GSTM1: variants seen among roughly 807,000 people sequenced by gnomAD.
GSTM1 encodes GST HB subunit 4.
GSTM1 carries 6 observed loss-of-function variants against 17.3 expected under a neutral mutation model. That is an observed-to-expected ratio of 0.35 (90% confidence interval 0.19 to 0.68). The LOEUF (loss-of-function observed/expected upper bound fraction) is 0.68, where lower values mean the gene tolerates loss of function less well. GSTM1 is among the 30% of genes least tolerant of loss of function. GSTM1 has a pLI of 0.65. For missense variants in GSTM1, 62 were observed against 155.9 expected, an observed-to-expected ratio of 0.40 and a Z score of 3.21; for synonymous variants, 20 against 53.6, an observed-to-expected ratio of 0.37 and a Z score of 2.74.
In GSTM1 at chr1:109,688,262, G is replaced by A; in HGVS notation, c.112+17G>A. ...TGGGGGACGGTAATGGCACCCTCGT[G>A]TTCGGGCTCTGCCCACTCACGCTAA... On this transcript the variant is annotated intron_variant, in intron 2 of 7. Transcript: ENST00000309851. The A allele has an allele frequency of 5.0e-6, 4 of 798,064 alleles. 2 individuals carry two copies. Among genetic ancestry groups the A allele is most frequent in the Non-Finnish European group, 7.2e-6 (4 of 552,446 alleles). The allele number at this position is 798,064 out of a possible 1,614,324, so 49.4% of individuals were successfully genotyped here. A position where few individuals can be genotyped will look rare whatever the true frequency, so the allele number is the denominator to read the frequency against.
rs1161126530 is a variant in GSTM1 at position 109,689,120 on chromosome 1, C to T, written c.250C>T (p.His84Tyr). The stretch of plus-strand genomic sequence containing the variant: ...CATCTTGTGCTACATTGCCCGCAAG[C>T]ACAACCTGTGTGAGTGTGGGTGGCT... The part of the protein sequence containing the change: ...NAILCYIARK[H>Y]NLCGETEEEK... Residue 84 changes from histidine (H) to tyrosine (Y), a missense_variant, in exon 4 of 8, where the codon CAC (histidine) becomes TAC (tyrosine). Physicochemically the swap from His to Tyr is moderately conservative, Grantham distance 83. Coordinates refer to ENST00000309851, the MANE Select transcript of GSTM1 (RefSeq NM_000561.4). 2.5e-6 allele frequency: 2 copies of T among 796,578 alleles called. 1 individual carries two copies. Among genetic ancestry groups the T allele is most frequent in the Non-Finnish European group, 3.6e-6 (2 of 552,508 alleles). 49.3% of individuals were successfully genotyped at this position (796,578 alleles called of 1,614,324 possible).
At position 109,692,061 on chromosome 1, in the gene GSTM1, T is replaced by C. The variant is rs975766428; in HGVS notation, c.568-1145T>C. ...TTGAGAACAGGCAGTCCTGGATCTTTTTTTTTTTTTTTTTTTTGAGATCGT... is the reference window on the plus strand; with the variant it reads ...TTGAGAACAGGCAGTCCTGGATCTTCTTTTTTTTTTTTTTTTTGAGATCGT... On this transcript the variant is annotated intron_variant, in intron 7 of 7. Coordinates refer to ENST00000309851, the MANE Select transcript of GSTM1 (RefSeq NM_000561.4). Among the ~76,000 whole-genome samples the C allele has an allele frequency of 1.1e-4, 6 of 55,028 alleles. 2 individuals carry two copies. The highest frequency in any genetic ancestry group is 3.2e-4 in the African/African-American group (6 of 18,870). The allele number at this position is 55,028 out of a possible 152,430, so 36.1% of individuals were successfully genotyped here. A position where few individuals can be genotyped will look rare whatever the true frequency, so the allele number is the denominator to read the frequency against.
rs1648085031 is a variant in GSTM1, at chr1:109,690,984, C to T, written c.567+420C>T. Reference sequence around the variant, plus strand: ...TGGAAGAGGCAGAGAACTTCATGACCATAGATGGAGCTGGCAATAGTAGGA... The same window carrying T: ...TGGAAGAGGCAGAGAACTTCATGACTATAGATGGAGCTGGCAATAGTAGGA... On this transcript the variant is annotated intron_variant, in intron 7 of 7. Transcript: ENST00000309851. Among the ~76,000 whole-genome samples, 2 of 80,478 alleles carry T rather than the reference C, an allele frequency of 2.5e-5. 1 individual carries two copies. The highest frequency in any genetic ancestry group is 7.1e-5 in the African/African-American group (2 of 28,228). 52.8% of individuals were successfully genotyped at this position (80,478 alleles called of 152,430 possible).
rs1179776141 is a variant in GSTM1 at position 109,692,358 on chromosome 1, T to G, written c.568-848T>G. ...CAGGTGTGAGCCGGATGTTTTTGAA[T>G]ACCTTATCTGGGCATTCAATCCTGG... On this transcript the variant is annotated intron_variant, in intron 7 of 7. Transcript: ENST00000309851. Among the ~76,000 whole-genome samples the G allele has an allele frequency of 7.6e-5, 6 of 79,304 alleles. 2 individuals are homozygous for G. The highest frequency in any genetic ancestry group is 2.2e-4 in the African/African-American group (6 of 27,826). The allele number at this position is 79,304 out of a possible 152,430, so 52.0% of individuals were successfully genotyped here.
intron 2 of GSTM1, chr1:109,688,447 G>A (rs111471552): frequency 0.012 from 4,737 of 384,072 alleles, 1,616 homozygotes; most frequent in African/African-American, 0.086. Context: ...GTCTAATTGG[G>A]ACGGGTGTCC....
chr1:109,688,949 C>A, intron 3 of GSTM1, 99 bp from the exon 4 acceptor site: 1 of 556,302 alleles, frequency 1.8e-6, no homozygotes, highest in Non-Finnish European at 3.0e-6. Flanking sequence ...TGAGCAGGCA[C>A]AGTGAGTGCC....
Position 109,692,500 on chromosome 1 carries a change from C to T in GSTM1, c.568-706C>T, listed in dbSNP as rs1648121259. 2.5e-5 allele frequency among the ~76,000 whole-genome samples: 2 copies of T among 80,092 alleles called. 1 individual carries two copies. Among genetic ancestry groups the T allele is most frequent in the East Asian group, 9.3e-4 (2 of 2,142 alleles). The allele number at this position is 80,092 out of a possible 152,430, so 52.5% of individuals were successfully genotyped here. ...CAGGTATTAGATGGAGAACTTTGGACTTTCTGCTTTAAGGGGAATGTTTAG... is the reference window on the plus strand; with the variant it reads ...CAGGTATTAGATGGAGAACTTTGGATTTTCTGCTTTAAGGGGAATGTTTAG... On this transcript the variant is annotated intron_variant, in intron 7 of 7. Coordinates refer to ENST00000309851, the MANE Select transcript of GSTM1 (RefSeq NM_000561.4).
chr1:109,689,327 TGA>T lies in GSTM1; in HGVS notation c.360+4_360+5del, dbSNP rs1403955833. ...ATGATCTGCTACAATCCAGAATTTG[TGA>T]GTGTCCCCAGTGAGCTGCATCTGAC... On this transcript the variant is annotated splice_donor_region_variant and intron_variant, in intron 5 of 7. Coordinates refer to ENST00000309851, the MANE Select transcript of GSTM1 (RefSeq NM_000561.4). 6.7e-6 allele frequency: 5 copies of T among 746,058 alleles called. 2 individuals are homozygous for T. In the African/African-American group the frequency reaches 9.6e-5, roughly 14 times the overall value. The allele number at this position is 746,058 out of a possible 1,614,324, so 46.2% of individuals were successfully genotyped here.
Position 109,689,055 on chromosome 1 carries a change from A to C in GSTM1, c.185A>C (p.Tyr62Ser). The change falls in exon 4 of 8, where the codon TAC becomes TCC. Residue 62 changes from tyrosine (Y) to serine (S), a missense_variant. Physicochemically the swap from Tyr to Ser is moderately radical, Grantham distance 144. Transcript: ENST00000309851. ...GGTTTCCCATCCATCCAGCTGCCCT[A>C]CTTGATTGATGGGGCTCACAAGATC... ...KLGLDFPNLP[Y>S]LIDGAHKITQ... 2.5e-6 allele frequency: 2 copies of C among 796,830 alleles called. 1 individual carries two copies. Among genetic ancestry groups the C allele is most frequent in the South Asian group, 3.7e-5 (2 of 54,586 alleles). 49.4% of individuals were successfully genotyped at this position (796,830 alleles called of 1,614,324 possible).
chr1:109,688,631 G>A, intron 2 of GSTM1, 42 bp from the exon 3 acceptor site: 1 of 755,144 alleles, frequency 1.3e-6, no homozygotes, highest in Non-Finnish European at 1.9e-6. Flanking sequence ...GGAGGGCTGG[G>A]CTCTGGGGAG....
At chr1:109,692,309 C>T (rs1355448102) in intron 7 of GSTM1, among the ~76,000 whole-genome samples, 1 of 79,088 alleles carries the variant, frequency 1.3e-5, no homozygotes, top group African/African-American at 3.6e-5. Flanking sequence ...CCACCCACCT[C>T]GGCTTCCCAA....
At position 109,689,705 on chromosome 1, in the gene GSTM1, G is replaced by A. The variant is rs1648050572; in HGVS notation, c.360+380G>A. 2.5e-5 allele frequency among the ~76,000 whole-genome samples: 2 copies of A among 78,500 alleles called. 1 individual carries two copies. The highest frequency in any genetic ancestry group is 6.4e-5 in the Non-Finnish European group (2 of 31,050). 51.5% of individuals were successfully genotyped at this position (78,500 alleles called of 152,430 possible). On this transcript the variant is annotated intron_variant, in intron 5 of 7. Coordinates refer to ENST00000309851, the MANE Select transcript of GSTM1 (RefSeq NM_000561.4). ...GACTCAGGAATGTAATGGCACCCTC[G>A]AATTGCATCTTCTCCTCAACAGTTT...
In GSTM1 at chr1:109,688,441, A is replaced by C. The variant is rs1452135392; in HGVS notation, c.112+196A>C. 7.7e-6 allele frequency: 3 copies of C among 387,646 alleles called. 1 individual carries two copies. The highest frequency in any genetic ancestry group is 1.4e-5 in the Non-Finnish European group (3 of 208,096). 24.0% of individuals were successfully genotyped at this position (387,646 alleles called of 1,614,324 possible). On this transcript the variant is annotated intron_variant, in intron 2 of 7. Transcript: ENST00000309851. ...GGGTGGGATGCTGGGCCCCCTGTCT[A>C]ATTGGGACGGGTGTCCCTCAGGGCT...
At position 109,692,544 on chromosome 1, in the gene GSTM1, A is replaced by T. The variant is rs1407999266; in HGVS notation, c.568-662A>T. On this transcript the variant is annotated intron_variant, in intron 7 of 7. Transcript: ENST00000309851. ...TGTTTAGAGCCTAGTCTCGCCTTTG[A>T]TTTTCTTGTGCACTGCCACCCCCCA... 5.1e-5 allele frequency among the ~76,000 whole-genome samples: 4 copies of T among 77,730 alleles called. 2 individuals carry two copies. The East Asian group carries it at 1.9e-3, about 37-fold the overall frequency. 51.0% of individuals were successfully genotyped at this position (77,730 alleles called of 152,430 possible).
At chr1:109,690,772 T>C (rs1411517763) in intron 7 of GSTM1, among the ~76,000 whole-genome samples, 1 of 82,192 alleles carries the variant, frequency 1.2e-5, no homozygotes, top group African/African-American at 3.4e-5. Context: ...ATCTCGCCCA[T>C]TTTAGAGATA....
At position 109,688,061 on chromosome 1, in the gene GSTM1, C is replaced by T; in HGVS notation, c.37-109C>T. Reference sequence around the variant, plus strand: ...GCTGTGTGTGTGTTGGGGGTGTGGGCGGGTAGAGGAGGCAACGGGTACGTG... The same window carrying T: ...GCTGTGTGTGTGTTGGGGGTGTGGGTGGGTAGAGGAGGCAACGGGTACGTG... On this transcript the variant is annotated intron_variant, in intron 1 of 7. Coordinates refer to ENST00000309851, the MANE Select transcript of GSTM1 (RefSeq NM_000561.4). The T allele has an allele frequency of 3.8e-6, 3 of 780,010 alleles. 1 individual carries two copies. Among genetic ancestry groups the T allele is most frequent in the South Asian group, 1.9e-5 (1 of 54,000 alleles). The allele number at this position is 780,010 out of a possible 1,614,324, so 48.3% of individuals were successfully genotyped here.
chr1:109,688,084 G>C lies in GSTM1; in HGVS notation c.37-86G>C, dbSNP rs188450204. On this transcript the variant is annotated intron_variant, in intron 1 of 7. Coordinates refer to ENST00000309851, the MANE Select transcript of GSTM1 (RefSeq NM_000561.4). The stretch of plus-strand genomic sequence containing the variant: ...GGCGGGTAGAGGAGGCAACGGGTAC[G>C]TGCAGTGTAAACTGGGGGCTTCCCT... 2 of 795,102 alleles carry C rather than the reference G, an allele frequency of 2.5e-6. 1 individual carries two copies. The highest frequency in any genetic ancestry group is 3.7e-5 in the African/African-American group (2 of 53,652). 49.3% of individuals were successfully genotyped at this position (795,102 alleles called of 1,614,324 possible).
In GSTM1 at chr1:109,690,915, GC is replaced by G. The variant is rs1315039954; in HGVS notation, c.567+353del. ...TCTCCCATTTGTGACAGAAGAAAAA[GC>G]CTTAGGCTTCACCTAGCCTGGGTTT... On this transcript the variant is annotated intron_variant, in intron 7 of 7. Coordinates refer to ENST00000309851, the MANE Select transcript of GSTM1 (RefSeq NM_000561.4). Among the ~76,000 whole-genome samples, 2 of 81,290 alleles carry G rather than the reference GC, an allele frequency of 2.5e-5. 1 individual carries two copies. The highest frequency in any genetic ancestry group is 7.0e-5 in the African/African-American group (2 of 28,598). The allele number at this position is 81,290 out of a possible 152,430, so 53.3% of individuals were successfully genotyped here.
At chr1:109,688,789 C>A in intron 3 of GSTM1, 52 bp downstream of exon 3, 2 of 696,156 alleles carry the variant, frequency 2.9e-6, no homozygotes, top group Non-Finnish European at 4.3e-6. Context: ...GTGTCTCTGA[C>A]TGCATCTCCT....
Sources: gnomAD v4.1 joint callset for allele counts (sites outside exome capture counted in the v4.1 genomes callset) on GRCh38, gnomAD v4.1.1 for gene constraint, MANE v1.5 for transcripts, NCBI Gene and HGNC (gene_info 2026-07-23, HGNC 2026-07-21) for gene names.